RCAN2: variants seen among roughly 807,000 people sequenced by gnomAD.
RCAN2 encodes regulator of calcineurin 2, also known as calcipressin-2.
RCAN2 carries 9 observed loss-of-function variants against 23.6 expected under a neutral mutation model. The ratio of observed to expected loss-of-function variants is 0.38; its 90% CI spans 0.23 to 0.67. The LOEUF (loss-of-function observed/expected upper bound fraction) is 0.67, where lower values mean the gene tolerates loss of function less well. RCAN2 is among the 30% of genes least tolerant of loss of function. The probability of loss-of-function intolerance (pLI) is 0.51; values close to 1 mark genes in which losing one functional copy is unlikely to be tolerated. For synonymous variants in RCAN2, 109 were observed against 115.7 expected (o/e 0.94, Z 0.37); for missense variants, 273 against 302.3 (o/e 0.90, Z 0.72).
At chr6:46,255,543 T>C (rs996670532) in intron 2 of RCAN2, among the ~76,000 whole-genome samples, 17 of 152,150 alleles carry the variant, frequency 1.1e-4, no homozygotes, top group Non-Finnish European at 2.1e-4. Context: ...AGGTTTTCAG[T>C]GTCAGATGCC....
Position 46,296,773 on chromosome 6 carries a change from G to A in RCAN2, c.226-47877C>T, listed in dbSNP as rs1001224370. 3.9e-5 allele frequency among the ~76,000 whole-genome samples: 6 copies of A among 152,048 alleles called. No homozygotes were observed. In the South Asian group the frequency reaches 1.0e-3, roughly 26 times the overall value. On this transcript the variant is annotated intron_variant, in intron 2 of 4. Transcript: ENST00000371374. ...CTCCAGAAGATCAACAACATAAAAA[G>A]CTACCAATCCCCTATGACAAGATTC...
intron 2 of RCAN2, among the ~76,000 whole-genome samples, chr6:46,426,965 C>A (rs993660915): frequency 3.9e-5 from 6 of 152,090 alleles, no homozygotes; most frequent in Admixed American, 6.6e-5. Context: ...TATGTGACCT[C>A]AAGAAAGTTA....
At chr6:46,337,415 T>C (rs1764177432) in intron 2 of RCAN2, among the ~76,000 whole-genome samples, 1 of 152,232 alleles carries the variant, frequency 6.6e-6, no homozygotes, top group Non-Finnish European at 1.5e-5. Flanking sequence ...TTTTAATCTT[T>C]CAAAAATGCC....
At chr6:46,397,950 A>G (rs1316260328) in intron 2 of RCAN2, among the ~76,000 whole-genome samples, 1 of 152,210 alleles carries the variant, frequency 6.6e-6, no homozygotes, top group Non-Finnish European at 1.5e-5. Context: ...AAGTGCGCTA[A>G]CAATAGGCAC....
intron 2 of RCAN2, among the ~76,000 whole-genome samples, chr6:46,313,445 G>T (rs1332307157): frequency 6.6e-6 from 1 of 152,220 alleles, no homozygotes; most frequent in Non-Finnish European, 1.5e-5. Context: ...CTATACCAGG[G>T]CATCAGGAAT....
chr6:46,247,479 A>C (rs1021924156), intron 3 of RCAN2, among the ~76,000 whole-genome samples: 10 of 152,324 alleles, frequency 6.6e-5, no homozygotes, highest in African/African-American at 2.4e-4. Flanking sequence ...TATTGCTACC[A>C]GTACTACCAT....
chr6:46,360,762 C>A (rs1462576775), intron 2 of RCAN2, among the ~76,000 whole-genome samples: 4 of 152,096 alleles, frequency 2.6e-5, no homozygotes, highest in Non-Finnish European at 5.9e-5. Flanking sequence ...GAACACAAAT[C>A]TGTATTGGTT....
At chr6:46,407,778 C>T (rs1207496707) in intron 2 of RCAN2, among the ~76,000 whole-genome samples, 1 of 152,154 alleles carries the variant, frequency 6.6e-6, no homozygotes, top group East Asian at 1.9e-4. Flanking sequence ...GAAACCCAAA[C>T]CTTAGCCTAA....
intron 2 of RCAN2, among the ~76,000 whole-genome samples, chr6:46,340,943 C>T (rs1764301245): frequency 6.6e-6 from 1 of 152,036 alleles, no homozygotes; most frequent in African/African-American, 2.4e-5. Flanking sequence ...AGCAGGTAGC[C>T]ATATCATTAT....
chr6:46,458,168 A>G (rs542302380), intron 1 of RCAN2, among the ~76,000 whole-genome samples: 6 of 152,240 alleles, frequency 3.9e-5, no homozygotes, highest in Non-Finnish European at 7.3e-5. Flanking sequence ...TGCTCAGAGC[A>G]AAGGACAGAA....
chr6:46,413,853 T>C (rs1428970334), intron 2 of RCAN2, among the ~76,000 whole-genome samples: 1 of 152,216 alleles, frequency 6.6e-6, no homozygotes, highest in Non-Finnish European at 1.5e-5. Context: ...AAGTGCTACC[T>C]AATATCGTCG....
At chr6:46,331,356 G>A (rs530426407) in intron 2 of RCAN2, among the ~76,000 whole-genome samples, 1 of 151,890 alleles carries the variant, frequency 6.6e-6, no homozygotes, top group Non-Finnish European at 1.5e-5. Flanking sequence ...AAAGATCACT[G>A]AGGGTTTTTT....
intron 2 of RCAN2, among the ~76,000 whole-genome samples, chr6:46,388,972 T>TA (rs1554138102): frequency 6.6e-6 from 1 of 151,920 alleles, no homozygotes; most frequent in Non-Finnish European, 1.5e-5. Flanking sequence ...ATAAAACTTT[T>TA]AAAAAAAGAA....
chr6:46,351,039 T>C (rs1251098840), intron 2 of RCAN2, among the ~76,000 whole-genome samples: 1 of 152,100 alleles, frequency 6.6e-6, no homozygotes, highest in Non-Finnish European at 1.5e-5. Flanking sequence ...AATTAACATA[T>C]AAAGTGACAA....
In RCAN2 at chr6:46,451,243, A is replaced by T. The variant is rs540466733; in HGVS notation, c.225+5509T>A. Among the ~76,000 whole-genome samples the T allele has an allele frequency of 7.9e-5, 12 of 152,172 alleles. No homozygotes were observed. In the South Asian group the frequency reaches 1.5e-3, roughly 18 times the overall value. On this transcript the variant is annotated intron_variant, in intron 2 of 4. Transcript: ENST00000371374. ...AACCTACTGTCTGAAACTCTTGAGG[A>T]GTGATATGTTTGGCATTCTGAATTG...
chr6:46,454,010 C>G (rs898420524), intron 2 of RCAN2, among the ~76,000 whole-genome samples: 1 of 152,178 alleles, frequency 6.6e-6, no homozygotes, highest in African/African-American at 2.4e-5. Context: ...CTTCCCAAAG[C>G]CAAATATAAA....
chr6:46,456,605 A>G lies in RCAN2; in HGVS notation c.225+147T>C, dbSNP rs972304473. 16 of 625,368 alleles carry G rather than the reference A, an allele frequency of 2.6e-5. No individual in the cohort carries two copies. In the African/African-American group the frequency reaches 2.6e-4, roughly 10 times the overall value. 38.7% of individuals were successfully genotyped at this position (625,368 alleles called of 1,614,324 possible). A position where few individuals can be genotyped will look rare whatever the true frequency, so the allele number is the denominator to read the frequency against. Reference sequence around the variant, plus strand: ...TAAAGTTAGTTGATAATAGAATGGGATTTTCTTATCCTGGTACACATGCCA... The same window carrying G: ...TAAAGTTAGTTGATAATAGAATGGGGTTTTCTTATCCTGGTACACATGCCA... On this transcript the variant is annotated intron_variant, in intron 2 of 4. Coordinates refer to ENST00000371374, the MANE Select transcript of RCAN2 (RefSeq NM_001251974.2).
chr6:46,482,504 G>A (rs766004662), intron 1 of RCAN2, among the ~76,000 whole-genome samples: 5 of 152,126 alleles, frequency 3.3e-5, no homozygotes, highest in Non-Finnish European at 7.4e-5. Flanking sequence ...AATCCACCAT[G>A]TCAGGCTCCC....
intron 1 of RCAN2, among the ~76,000 whole-genome samples, chr6:46,457,214 AAAAC>A (rs1210222043): frequency 6.6e-6 from 1 of 152,198 alleles, no homozygotes; most frequent in Non-Finnish European, 1.5e-5. Flanking sequence ...ATGGTTTTTT[AAAAC>A]AAACAGACAA....
Sources: gnomAD v4.1 joint callset for allele counts (sites outside exome capture counted in the v4.1 genomes callset) on GRCh38, gnomAD v4.1.1 for gene constraint, MANE v1.5 for transcripts, NCBI Gene and HGNC (gene_info 2026-07-23, HGNC 2026-07-21) for gene names.